The following COX10 variants were observed in gnomAD, a reference collection of about 807,000 sequenced individuals.
COX10 encodes cytochrome c oxidase assembly factor heme A:farnesyltransferase COX10.
COX10 carries 27 observed loss-of-function variants against 37.3 expected under a neutral mutation model. The observed-to-expected ratio is 0.72, with a 90% CI of 0.53 to 1.00. COX10 has a LOEUF of 1.00. Among genes scored for constraint, COX10 ranks in the 50% least tolerant of loss-of-function variants. The pLI, the probability that COX10 is intolerant of heterozygous loss-of-function variation, is 0.00. For missense variants in COX10, 475 were observed against 563.2 expected (o/e 0.84, Z 1.59); for synonymous variants, 222 against 229.1 (o/e 0.97, Z 0.28).
At chr17:14,158,558 C>A (rs191329590) in intron 4 of COX10, among the ~76,000 whole-genome samples, 30 of 152,026 alleles carry the variant, frequency 2.0e-4, no homozygotes, top group Admixed American at 2.0e-3. Context: ...AGCTATGATT[C>A]ATACAGACAT....
chr17:14,199,943 T>A (rs1006018121), intron 6 of COX10, among the ~76,000 whole-genome samples: 45 of 152,162 alleles, frequency 3.0e-4, no homozygotes, highest in African/African-American at 9.9e-4. Context: ...GAGCCAGTCA[T>A]GGAGCAGACG....
chr17:14,105,187 A>G (rs959491259), intron 4 of COX10, among the ~76,000 whole-genome samples: 1 of 152,188 alleles, frequency 6.6e-6, no homozygotes, highest in Non-Finnish European at 1.5e-5. Context: ...GTGATTTTTT[A>G]GACTGGTTAT....
At chr17:14,178,288 C>T (rs142442628) in intron 5 of COX10, among the ~76,000 whole-genome samples, 10,719 of 76,212 alleles carry the variant, frequency 0.14, 128 homozygotes, top group African/African-American at 0.31. Context: ...AGGATAAAAC[C>T]AAGTGTTTTG....
At chr17:14,200,228 T>A (rs1906506638) in intron 6 of COX10, among the ~76,000 whole-genome samples, 1 of 152,152 alleles carries the variant, frequency 6.6e-6, no homozygotes. Flanking sequence ...TCCATTCAGA[T>A]ACCATTTAGC....
intron 5 of COX10, among the ~76,000 whole-genome samples, chr17:14,183,778 A>G (rs1175555340): frequency 6.6e-6 from 1 of 152,190 alleles, no homozygotes; most frequent in Non-Finnish European, 1.5e-5. Flanking sequence ...TCCTATTTAA[A>G]TTATTCTGTC....
chr17:14,159,728 G>T (rs1398895229), intron 4 of COX10, 149 bp from the exon 5 acceptor site: 2 of 634,636 alleles, frequency 3.2e-6, no homozygotes, highest in Non-Finnish European at 5.5e-6. Flanking sequence ...TTGTTTTTTT[G>T]GAATTTTTCT....
intron 3 of COX10, among the ~76,000 whole-genome samples, chr17:14,081,758 A>C (rs1476092513): frequency 1.3e-5 from 2 of 152,230 alleles, no homozygotes; most frequent in Non-Finnish European, 2.9e-5. Context: ...GTCAAAAACT[A>C]TACACATATT....
At chr17:14,098,110 CTG>C (rs1217886750) in intron 3 of COX10, among the ~76,000 whole-genome samples, 17 of 152,220 alleles carry the variant, frequency 1.1e-4, no homozygotes, top group Admixed American at 1.1e-3. Flanking sequence ...ATTTTACTAA[CTG>C]TTTATCGAGA....
At chr17:14,167,308 G>A (rs1183097836) in intron 5 of COX10, among the ~76,000 whole-genome samples, 1 of 152,182 alleles carries the variant, frequency 6.6e-6, no homozygotes, top group East Asian at 1.9e-4. Context: ...GAGACCCAAT[G>A]TATTTCTGAC....
intron 4 of COX10, among the ~76,000 whole-genome samples, chr17:14,103,709 C>T (rs998300379): frequency 6.6e-6 from 1 of 151,930 alleles, no homozygotes. Flanking sequence ...TGAAAAAAAC[C>T]TCTCAGTTGG....
At chr17:14,112,775 G>A (rs564182254) in intron 4 of COX10, among the ~76,000 whole-genome samples, 1 of 152,248 alleles carries the variant, frequency 6.6e-6, no homozygotes, top group South Asian at 2.1e-4. Context: ...GGAGCATCAT[G>A]AGTAAAGACC....
chr17:14,075,054 A>G (rs1426460801), intron 2 of COX10, among the ~76,000 whole-genome samples: 1 of 152,252 alleles, frequency 6.6e-6, no homozygotes, highest in Admixed American at 6.5e-5. Context: ...AAAGGGTCAT[A>G]GAATGGCAAA....
rs754644402 is a variant in COX10, at chr17:14,207,091, G to C, written c.1210G>C (p.Asp404His). 4 of 1,614,046 alleles carry C rather than the reference G, an allele frequency of 2.5e-6. No individual in the cohort carries two copies. In the South Asian group the frequency reaches 4.4e-5, roughly 18 times the overall value. The part of the protein sequence containing the change: ...YLGFRFYVDA[D>H]RRSSRRLFFC... ...CGGCTTCCGCTTCTACGTGGACGCA[G>C]ACCGCAGGAGCTCGCGGAGACTGTT... The change falls in exon 7 of 7, where the codon GAC becomes CAC. Residue 404 changes from aspartate to histidine, a missense_variant. This residue lies in a region of COX10 where 160 missense variants were observed against 180.6 expected (regional missense o/e 0.89). Transcript: ENST00000261643.
rs1385755625 is a variant in COX10, at chr17:14,102,103, G to GTT, written c.500-13_500-12dup. 19 of 1,613,310 alleles carry GTT rather than the reference G, an allele frequency of 1.2e-5. No homozygotes were observed. The highest frequency in any genetic ancestry group is 1.6e-5 in the Non-Finnish European group (19 of 1,179,574). On this transcript the variant is annotated splice_polypyrimidine_tract_variant and intron_variant, in intron 3 of 6. Transcript: ENST00000261643. ...CTGTTGGTAACAGTGTGTCTGCTCT[G>GTT]TTTCTGTATCGCAGCTCTGGTTGTA...
Position 14,207,092 on chromosome 17 carries a change from A to C in COX10, c.1211A>C (p.Asp404Ala). 3.7e-6 allele frequency: 6 copies of C among 1,614,010 alleles called. No individual in the cohort carries two copies. Among genetic ancestry groups the C allele is most frequent in the Non-Finnish European group, 5.1e-6 (6 of 1,179,932 alleles). Residue 404 changes from aspartate to alanine, a missense_variant, in exon 7 of 7, where the codon GAC becomes GCC. Transcript: ENST00000261643. ...GGCTTCCGCTTCTACGTGGACGCAG[A>C]CCGCAGGAGCTCGCGGAGACTGTTC... ...YLGFRFYVDA[D>A]RRSSRRLFFC...
chr17:14,188,751 C>T (rs1906114181), intron 5 of COX10, among the ~76,000 whole-genome samples: 1 of 152,102 alleles, frequency 6.6e-6, no homozygotes, highest in African/African-American at 2.4e-5. Flanking sequence ...CACAAGGTTG[C>T]CCGTGTTTGA....
intron 3 of COX10, among the ~76,000 whole-genome samples, chr17:14,096,384 T>C: frequency 6.9e-6 from 1 of 145,710 alleles, no homozygotes; most frequent in Middle Eastern, 3.5e-3. Context: ...TTTTCTTTTT[T>C]TTTTTTTTTT....
At chr17:14,081,323 G>T (rs930628117) in intron 3 of COX10, among the ~76,000 whole-genome samples, 2 of 152,206 alleles carry the variant, frequency 1.3e-5, no homozygotes, top group Non-Finnish European at 2.9e-5. Context: ...GGTGGGGAAA[G>T]AGAACAAGGG....
At chr17:14,130,650 T>C (rs1392911368) in intron 4 of COX10, among the ~76,000 whole-genome samples, 1 of 152,164 alleles carries the variant, frequency 6.6e-6, no homozygotes, top group Non-Finnish European at 1.5e-5. Flanking sequence ...TTTGTTACGT[T>C]CTTCACCACT....
Sources: gnomAD v4.1 joint callset for allele counts (sites outside exome capture counted in the v4.1 genomes callset) on GRCh38, gnomAD v4.1.1 for gene constraint, gnomAD v4.1.1 regional missense constraint, MANE v1.5 for transcripts, NCBI Gene and HGNC (gene_info 2026-07-23, HGNC 2026-07-21) for gene names.